Variants in SLC30A9 observed in about 807,000 individuals in gnomAD.
SLC30A9 encodes proton-coupled zinc antiporter SLC30A9, mitochondrial.
SLC30A9 carries 58 observed loss-of-function variants against 87.5 expected under a neutral mutation model. The observed-to-expected ratio is 0.66, with a 90% confidence interval of 0.54 to 0.82. The LOEUF (loss-of-function observed/expected upper bound fraction) is 0.82, where lower values mean the gene tolerates loss of function less well. SLC30A9 is among the 40% of genes least tolerant of loss of function. The pLI is 0.00. For missense variants in SLC30A9, 557 were observed against 679.1 expected, an observed-to-expected ratio of 0.82 and a Z score of 2.00; for synonymous variants, 234 against 233.0, an observed-to-expected ratio of 1.00 and a Z score of -0.04.
intron 6 of SLC30A9, among the ~76,000 whole-genome samples, chr4:42,033,766 G>A (rs921522652): frequency 1.3e-4 from 20 of 152,116 alleles, no homozygotes; most frequent in African/African-American, 3.4e-4. Flanking sequence ...TAGTAGAGAC[G>A]GGGTTTCACC....
intron 6 of SLC30A9, among the ~76,000 whole-genome samples, chr4:42,033,974 A>G (rs1716568035): frequency 6.6e-6 from 1 of 152,164 alleles, no homozygotes. Context: ...TTTTTGATAT[A>G]CCGTAATGTA....
chr4:42,054,137 T>TGGA (rs1018078482), intron 9 of SLC30A9, among the ~76,000 whole-genome samples: 1 of 152,038 alleles, frequency 6.6e-6, no homozygotes, highest in African/African-American at 2.4e-5. Context: ...GGCGGATCAC[T>TGGA]GGAGGTCAGG....
intron 5 of SLC30A9, 71 bp from the exon 6 acceptor site, chr4:42,023,231 T>A: frequency 9.7e-7 from 1 of 1,031,210 alleles, no homozygotes. Flanking sequence ...CATTAGAGAA[T>A]TTAGATTTAA....
At chr4:42,033,777 A>T (rs374418639) in intron 6 of SLC30A9, among the ~76,000 whole-genome samples, 32 of 152,228 alleles carry the variant, frequency 2.1e-4, no homozygotes, top group African/African-American at 7.7e-4. Context: ...GGGTTTCACC[A>T]TGTTAGCCAG....
intron 8 of SLC30A9, among the ~76,000 whole-genome samples, chr4:42,046,843 G>T (rs541021468): frequency 5.9e-5 from 9 of 152,272 alleles, no homozygotes; most frequent in Non-Finnish European, 1.2e-4. Flanking sequence ...ATACTACAAG[G>T]CTGCGGTAAC....
chr4:42,001,545 G>C (rs2153132915), intron 1 of SLC30A9, 71 bp from the exon 2 acceptor site: 1 of 908,872 alleles, frequency 1.1e-6, no homozygotes, highest in African/African-American at 1.7e-5. Flanking sequence ...CCTCTGGAGA[G>C]GGTGGCTTGG....
chr4:42,051,950 A>C (rs1404167220), intron 9 of SLC30A9, among the ~76,000 whole-genome samples: 1 of 151,140 alleles, frequency 6.6e-6, no homozygotes, highest in African/African-American at 2.4e-5. Context: ...CACAGATATA[A>C]AACTCCTTAA....
chr4:42,008,755 G>C (rs1311843547), intron 2 of SLC30A9, among the ~76,000 whole-genome samples: 1 of 152,228 alleles, frequency 6.6e-6, no homozygotes, highest in Admixed American at 6.5e-5. Context: ...CCTTTAGTTA[G>C]ATGTCTTTCA....
chr4:41,991,114 TTCCAGGG>T (rs1714420160), intron 1 of SLC30A9, among the ~76,000 whole-genome samples: 1 of 152,280 alleles, frequency 6.6e-6, no homozygotes. Context: ...CTCCGCAAAG[TTCCAGGG>T]TCTTTGGAGC....
chr4:42,019,081 T>A (rs1025053349), intron 3 of SLC30A9, among the ~76,000 whole-genome samples: 4 of 152,198 alleles, frequency 2.6e-5, no homozygotes, highest in Non-Finnish European at 4.4e-5. Flanking sequence ...TACATAATAT[T>A]TGTGCATTTA....
chr4:42,040,808 AAAG>A (rs1457532480), intron 8 of SLC30A9, among the ~76,000 whole-genome samples: 4,564 of 131,874 alleles, frequency 0.035, 229 homozygotes, highest in Non-Finnish European at 0.039. Context: ...AAAAAAAAAA[AAAG>A]AAAAAGAAAA....
chr4:42,032,550 G>A (rs1437131669), intron 6 of SLC30A9, among the ~76,000 whole-genome samples: 5 of 152,130 alleles, frequency 3.3e-5, no homozygotes, highest in African/African-American at 9.7e-5. Flanking sequence ...AGTGGAAATT[G>A]TGAGACAATT....
intron 2 of SLC30A9, among the ~76,000 whole-genome samples, chr4:42,002,150 A>AT (rs1715012438): frequency 1.3e-5 from 1 of 79,818 alleles, no homozygotes; most frequent in East Asian, 2.3e-3. Context: ...TTTTCCAAGT[A>AT]ATTTTTTTTT....
chr4:42,042,394 G>C (rs1577703625), intron 8 of SLC30A9, among the ~76,000 whole-genome samples: 1 of 152,088 alleles, frequency 6.6e-6, no homozygotes, highest in Middle Eastern at 3.4e-3. Context: ...TGGGGGTTGG[G>C]GACCACCATT....
At chr4:42,075,856 A>AT (rs945758701) in intron 16 of SLC30A9, 70 bp downstream of exon 16, 727 of 1,465,232 alleles carry the variant, frequency 5.0e-4, no homozygotes, top group South Asian at 6.8e-4. Context: ...ACAAAATGAA[A>AT]TTTTTTTTTA....
At chr4:42,018,021 A>AT (rs1715793086) in intron 2 of SLC30A9, 90 bp from the exon 3 acceptor site, 1 of 694,010 alleles carries the variant, frequency 1.4e-6, no homozygotes, top group African/African-American at 1.9e-5. Flanking sequence ...GTTTTTATGC[A>AT]TTGCTATATT....
At chr4:42,047,206 G>T (rs1717194329) in intron 8 of SLC30A9, among the ~76,000 whole-genome samples, 1 of 152,056 alleles carries the variant, frequency 6.6e-6, no homozygotes, top group Non-Finnish European at 1.5e-5. Flanking sequence ...AAAGCAATGG[G>T]AACAAAAGCC....
chr4:42,042,547 C>A (rs1276268099), intron 8 of SLC30A9, among the ~76,000 whole-genome samples: 1 of 152,190 alleles, frequency 6.6e-6, no homozygotes, highest in African/African-American at 2.4e-5. Flanking sequence ...GGCAGGGCAT[C>A]TCTGAAAGAA....
At chr4:42,075,048 TATATATATATA>T (rs1353640881) in intron 15 of SLC30A9, among the ~76,000 whole-genome samples, 53 of 19,716 alleles carry the variant, frequency 2.7e-3, no homozygotes, top group South Asian at 8.8e-3. Context: ...TATATATATA[TATATATATATA>T]TTTTTTTTTT....
Sources: gnomAD v4.1 joint callset for allele counts (sites outside exome capture counted in the v4.1 genomes callset) on GRCh38, gnomAD v4.1.1 for gene constraint, MANE v1.5 for transcripts, NCBI Gene and HGNC (gene_info 2026-07-23, HGNC 2026-07-21) for gene names.